Variants in OXR1 observed in about 807,000 individuals in gnomAD.
OXR1 encodes oxidation resistance 1.
OXR1 carries 41 observed loss-of-function variants against 104.6 expected under a neutral mutation model. The observed-to-expected ratio is 0.39, with a 90% CI of 0.31 to 0.51. OXR1 has a LOEUF of 0.51. Ranked by LOEUF, OXR1 falls within the 20% of genes least tolerant of loss-of-function variation. OXR1 has a pLI of 0.77. For missense variants in OXR1, 955 were observed against 1,031.9 expected, an observed-to-expected ratio of 0.93 and a Z score of 1.02; for synonymous variants, 348 against 348.4, an observed-to-expected ratio of 1.00 and a Z score of 0.01.
At chr8:106,621,516 T>TA (rs3046754) in intron 3 of OXR1, among the ~76,000 whole-genome samples, 4,306 of 137,884 alleles carry the variant, frequency 0.031, 89 homozygotes, top group South Asian at 0.068. Flanking sequence ...TCAATAAGAG[T>TA]AAAAAAAAAA....
chr8:106,681,908 GA>G (rs780062148), intron 4 of OXR1, among the ~76,000 whole-genome samples: 4 of 152,126 alleles, frequency 2.6e-5, no homozygotes, highest in Non-Finnish European at 5.9e-5. Flanking sequence ...GTCTACTCTG[GA>G]TGGTTTAGGA....
At chr8:106,487,593 C>T (rs1427283425) in intron 2 of OXR1, among the ~76,000 whole-genome samples, 1 of 148,360 alleles carries the variant, frequency 6.7e-6, no homozygotes, top group Non-Finnish European at 1.5e-5. Context: ...CCACAACAGT[C>T]CCCAGAGTGT....
At chr8:106,646,313 G>T (rs192071532) in intron 3 of OXR1, among the ~76,000 whole-genome samples, 1 of 151,920 alleles carries the variant, frequency 6.6e-6, no homozygotes, top group African/African-American at 2.4e-5. Context: ...CGCTATGTTG[G>T]CCAGGCTGGT....
chr8:106,487,339 CTT>C (rs71307062), intron 2 of OXR1, among the ~76,000 whole-genome samples: 5 of 129,208 alleles, frequency 3.9e-5, no homozygotes, highest in African/African-American at 1.1e-4. Context: ...CCAGGTATTT[CTT>C]TTTTTTTTTT....
intron 3 of OXR1, among the ~76,000 whole-genome samples, chr8:106,552,973 T>C (rs965991198): frequency 2.0e-5 from 3 of 152,302 alleles, no homozygotes; most frequent in Admixed American, 2.0e-4. Flanking sequence ...TTTATTCTCC[T>C]TCTCTTTTAT....
intron 3 of OXR1, among the ~76,000 whole-genome samples, chr8:106,571,395 G>A (rs1433618641): frequency 6.6e-6 from 1 of 151,954 alleles, no homozygotes; most frequent in African/African-American, 2.4e-5. Context: ...TACCTCTCTG[G>A]TGCCCATCAT....
chr8:106,593,767 C>A (rs767593983), intron 3 of OXR1, among the ~76,000 whole-genome samples: 14 of 152,152 alleles, frequency 9.2e-5, no homozygotes, highest in Non-Finnish European at 1.9e-4. Context: ...CAGAGCGAGA[C>A]TCCATCTCTA....
intron 3 of OXR1, among the ~76,000 whole-genome samples, chr8:106,545,082 T>C (rs1410292864): frequency 1.3e-5 from 2 of 152,156 alleles, no homozygotes; most frequent in African/African-American, 2.4e-5. Context: ...ATCCCTGGCC[T>C]ATACCCACTA....
intron 3 of OXR1, among the ~76,000 whole-genome samples, chr8:106,586,051 T>C (rs550977900): frequency 6.6e-6 from 1 of 152,326 alleles, no homozygotes; most frequent in African/African-American, 2.4e-5. Flanking sequence ...TGATTAGTGA[T>C]TTTGAGCAAT....
chr8:106,735,860 C>T (rs907299688), intron 11 of OXR1, among the ~76,000 whole-genome samples: 4 of 151,846 alleles, frequency 2.6e-5, no homozygotes, highest in African/African-American at 7.3e-5. Context: ...TCAGAATAAT[C>T]AAAATGTTAA....
chr8:106,717,667 A>G (rs1481093725), intron 11 of OXR1, among the ~76,000 whole-genome samples: 1 of 152,172 alleles, frequency 6.6e-6, no homozygotes, highest in Non-Finnish European at 1.5e-5. Context: ...ATACACTATT[A>G]TATCTTCAGA....
At chr8:106,677,623 A>G (rs540076951) in intron 3 of OXR1, among the ~76,000 whole-genome samples, 2 of 152,060 alleles carry the variant, frequency 1.3e-5, no homozygotes, top group Non-Finnish European at 2.9e-5. Flanking sequence ...ATGTTTAAGG[A>G]CATTTTTACA....
intron 3 of OXR1, among the ~76,000 whole-genome samples, chr8:106,537,500 A>G (rs1814628815): frequency 6.6e-6 from 1 of 152,166 alleles, no homozygotes; most frequent in Non-Finnish European, 1.5e-5. Context: ...GTCTTCACCT[A>G]TGGAAAGGAT....
intron 2 of OXR1, among the ~76,000 whole-genome samples, chr8:106,518,548 A>C (rs548839148): frequency 2.6e-5 from 4 of 152,318 alleles, no homozygotes; most frequent in Admixed American, 1.3e-4. Flanking sequence ...CTGATTAAAA[A>C]ATAATGATTT....
chr8:106,705,416 A>G (rs1831047858), intron 8 of OXR1, among the ~76,000 whole-genome samples: 1 of 152,178 alleles, frequency 6.6e-6, no homozygotes, highest in Non-Finnish European at 1.5e-5. Flanking sequence ...AAATTGGAAA[A>G]TACTGAAAAG....
chr8:106,482,522 G>T (rs1221217986), intron 2 of OXR1, among the ~76,000 whole-genome samples: 3 of 151,940 alleles, frequency 2.0e-5, no homozygotes, highest in Non-Finnish European at 4.4e-5. Context: ...TTATGAAATG[G>T]AGTTTAAAAA....
intron 1 of OXR1, among the ~76,000 whole-genome samples, chr8:106,322,815 A>G (rs2130186243): frequency 6.6e-6 from 1 of 152,192 alleles, no homozygotes; most frequent in East Asian, 1.9e-4. Flanking sequence ...ATACCTAGGA[A>G]TACAGCTAAC....
At chr8:106,314,946 G>A (rs1175173571) in intron 1 of OXR1, among the ~76,000 whole-genome samples, 1 of 152,106 alleles carries the variant, frequency 6.6e-6, no homozygotes, top group Non-Finnish European at 1.5e-5. Context: ...TAGTGAGTAA[G>A]TATCCCCGAA....
At chr8:106,416,558 A>G (rs1289805448) in intron 2 of OXR1, among the ~76,000 whole-genome samples, 2 of 152,086 alleles carry the variant, frequency 1.3e-5, no homozygotes, top group Non-Finnish European at 2.9e-5. Context: ...TATAAAAATA[A>G]TAGTACTTTC....
Sources: allele counts gnomAD v4.1 joint callset (sites outside exome capture counted in the v4.1 genomes callset), GRCh38; gene constraint gnomAD v4.1.1; transcripts MANE v1.5; gene names NCBI Gene and HGNC (gene_info 2026-07-23, HGNC 2026-07-21).